Variants in PAK2 observed in about 807,000 individuals in gnomAD.
PAK2 encodes the protein p21 (RAC1) activated kinase 2.
Under a neutral mutation model 65.9 loss-of-function variants are expected in PAK2, and 21 were observed. The ratio of observed to expected loss-of-function variants is 0.32; its 90% CI spans 0.23 to 0.46. The LOEUF (loss-of-function observed/expected upper bound fraction) is 0.46. Ranked by LOEUF, PAK2 falls within the 20% of genes least tolerant of loss-of-function variation. The probability of loss-of-function intolerance (pLI) is 1.00; values close to 1 mark genes in which losing one functional copy is unlikely to be tolerated. For synonymous variants in PAK2, 204 were observed against 219.7 expected (o/e 0.93, Z 0.63); for missense variants, 324 against 642.6 (o/e 0.50, Z 5.36).
intron 1 of PAK2, among the ~76,000 whole-genome samples, chr3:196,770,053 C>G (rs545283992): frequency 1.3e-5 from 2 of 152,036 alleles, no homozygotes; most frequent in South Asian, 4.1e-4. Context: ...CTAAGGAGTT[C>G]AAGACCAGCC....
intron 14 of PAK2, 86 bp from the exon 15 acceptor site, chr3:196,828,230 AGTC>A: frequency 1.4e-6 from 1 of 722,380 alleles, no homozygotes. Context: ...ATCGACAAGT[AGTC>A]TTTGGGGCTT....
intron 1 of PAK2, among the ~76,000 whole-genome samples, chr3:196,761,612 G>A (rs866353735): frequency 5.5e-4 from 69 of 125,234 alleles, no homozygotes; most frequent in African/African-American, 1.8e-3. Context: ...CACCTTTCCC[G>A]CCTTTCTATT....
chr3:196,831,381 G>A lies in PAK2; in HGVS notation c.*2976G>A, dbSNP rs376276643. The A allele has an allele frequency of 4.6e-5, 7 of 151,882 alleles. No individual in the cohort carries two copies. In the East Asian group the frequency reaches 7.7e-4, roughly 17 times the overall value. The allele number at this position is 151,882 out of a possible 1,614,324, so 9.4% of individuals were successfully genotyped here. A position where few individuals can be genotyped will look rare whatever the true frequency, so the allele number is the denominator to read the frequency against. ...TTTCTTTTTTCTTCTGCTGCTTTTA[G>A]GGACAATTAAAACTGGGAAACTATG... On this transcript the variant is annotated 3_prime_UTR_variant, in exon 15 of 15. Coordinates refer to ENST00000327134, the MANE Select transcript of PAK2 (RefSeq NM_002577.4).
At chr3:196,800,336 C>T (rs889569349) in intron 2 of PAK2, among the ~76,000 whole-genome samples, 1 of 152,050 alleles carries the variant, frequency 6.6e-6, no homozygotes, top group African/African-American at 2.4e-5. Context: ...GAGCTGAGAT[C>T]ACGCCACTGC....
At chr3:196,822,970 A>G (rs564695974) in intron 13 of PAK2, among the ~76,000 whole-genome samples, 3 of 152,304 alleles carry the variant, frequency 2.0e-5, no homozygotes, top group East Asian at 3.9e-4. Flanking sequence ...GCCAGACCGT[A>G]GTGCCTTATG....
chr3:196,782,747 A>G lies in PAK2; in HGVS notation c.101A>G (p.Asn34Ser). 3.1e-6 allele frequency: 5 copies of G among 1,613,484 alleles called. No individual in the cohort carries two copies. Among genetic ancestry groups the G allele is most frequent in the Non-Finnish European group, 4.2e-6 (5 of 1,179,372 alleles). Residue 34 changes from asparagine (N) to serine (S), a missense_variant, in exon 2 of 15, where the codon AAT becomes AGT. Around this residue, in one of 5 missense-constraint regions of PAK2, gnomAD observed 42 missense variants for 67.4 expected, o/e 0.62. Coordinates refer to ENST00000327134, the MANE Select transcript of PAK2 (RefSeq NM_002577.4). ...STGGKDPLSA[N>S]HSLKPLPSVP... ...GGAGGCAAAGACCCTTTGTCAGCCAATCACAGTTTGAAACCTTTGCCCTCT... is the reference window on the plus strand; with the variant it reads ...GGAGGCAAAGACCCTTTGTCAGCCAGTCACAGTTTGAAACCTTTGCCCTCT...
Position 196,821,631 on chromosome 3 carries a change from C to T in PAK2, c.1350+1064C>T, listed in dbSNP as rs151015311. On this transcript the variant is annotated intron_variant, in intron 13 of 14. Transcript: ENST00000327134. ...CCAGGAGGCGGAGGTTGCAGTGAGC[C>T]GAGATCATGCCATCGCACTCCAGCC... 3.7e-4 allele frequency among the ~76,000 whole-genome samples: 57 copies of T among 152,106 alleles called. No homozygotes were observed. In the East Asian group the frequency reaches 0.01, roughly 28 times the overall value.
rs115224240 is a variant in PAK2 at position 196,770,667 on chromosome 3, C to T, written c.-21-11959C>T. Among the ~76,000 whole-genome samples, 599 of 152,108 alleles carry T rather than the reference C, an allele frequency of 3.9e-3. 4 individuals are homozygous for T. Among genetic ancestry groups the T allele is most frequent in the African/African-American group, 0.014 (568 of 41,410 alleles). On this transcript the variant is annotated intron_variant, in intron 1 of 14. Coordinates refer to ENST00000327134, the MANE Select transcript of PAK2 (RefSeq NM_002577.4). ...AGACAGAGTCCAGCTCTGTCTCCTA[C>T]GCTGGAGTGCAGTGGCACCATCTCG...
In PAK2 at chr3:196,830,230, G is replaced by A. The variant is rs921418787; in HGVS notation, c.*1825G>A. The A allele has an allele frequency of 1.3e-5, 2 of 152,136 alleles. No individual in the cohort carries two copies. Among genetic ancestry groups the A allele is most frequent in the Admixed American group, 1.3e-4 (2 of 15,274 alleles). The allele number at this position is 152,136 out of a possible 1,614,324, so 9.4% of individuals were successfully genotyped here. A position where few individuals can be genotyped will look rare whatever the true frequency, so the allele number is the denominator to read the frequency against. ...GATAAGGCAAGATTTTCAGAAAAATGAGTAAAATAATTAATGAAACATATT... is the reference window on the plus strand; with the variant it reads ...GATAAGGCAAGATTTTCAGAAAAATAAGTAAAATAATTAATGAAACATATT... On this transcript the variant is annotated 3_prime_UTR_variant, in exon 15 of 15. Transcript: ENST00000327134.
chr3:196,753,339 C>G (rs1398422901), intron 1 of PAK2, among the ~76,000 whole-genome samples: 1 of 152,042 alleles, frequency 6.6e-6, no homozygotes, highest in Non-Finnish European at 1.5e-5. Context: ...TTGCTGCAGT[C>G]TTTCAGGCAG....
At chr3:196,800,688 AC>A (rs1312538336) in intron 2 of PAK2, among the ~76,000 whole-genome samples, 3 of 152,208 alleles carry the variant, frequency 2.0e-5, no homozygotes, top group Admixed American at 2.0e-4. Flanking sequence ...AGATAGACTC[AC>A]ACGTGTACAG....
Position 196,831,819 on chromosome 3 carries a change from A to G in PAK2, c.*3414A>G, listed in dbSNP as rs1192618132. 1.3e-5 allele frequency: 2 copies of G among 152,190 alleles called. No homozygotes were observed. The highest frequency in any genetic ancestry group is 2.4e-5 in the African/African-American group (1 of 41,448). The allele number at this position is 152,190 out of a possible 1,614,324, so 9.4% of individuals were successfully genotyped here. A position where few individuals can be genotyped will look rare whatever the true frequency, so the allele number is the denominator to read the frequency against. ...TCTAGTGAAATGTCAGTGTCAAAAT[A>G]TTATAGATTATAGCTAAAATCCAGA... On this transcript the variant is annotated 3_prime_UTR_variant, in exon 15 of 15. Transcript: ENST00000327134.
chr3:196,749,243 A>T (rs1713489630), intron 1 of PAK2, among the ~76,000 whole-genome samples: 1 of 152,028 alleles, frequency 6.6e-6, no homozygotes, highest in South Asian at 2.1e-4. Flanking sequence ...CCTTGTTTTC[A>T]GTTATTTCGG....
At chr3:196,817,217 T>C (rs1249020732) in intron 11 of PAK2, among the ~76,000 whole-genome samples, 1 of 135,600 alleles carries the variant, frequency 7.4e-6, no homozygotes, top group Non-Finnish European at 1.5e-5. Context: ...CAGGCTGGAG[T>C]GCAGTGGCAC....
chr3:196,748,637 C>T (rs1191141166), intron 1 of PAK2, among the ~76,000 whole-genome samples: 4 of 152,144 alleles, frequency 2.6e-5, no homozygotes, highest in Admixed American at 1.3e-4. Flanking sequence ...GAGGTTCTTC[C>T]GTGTCTTTTC....
chr3:196,808,816 G>T (rs568335390), intron 7 of PAK2, among the ~76,000 whole-genome samples: 2 of 152,116 alleles, frequency 1.3e-5, no homozygotes, highest in Non-Finnish European at 2.9e-5. Flanking sequence ...AGCCGAGATC[G>T]TGCCACTGCA....
At chr3:196,761,523 C>A (rs1308161458) in intron 1 of PAK2, among the ~76,000 whole-genome samples, 2 of 102,208 alleles carry the variant, frequency 2.0e-5, no homozygotes, top group African/African-American at 3.8e-5. Flanking sequence ...TTTCTTAGTG[C>A]AGAACAAAAT....
intron 4 of PAK2, 110 bp from the exon 5 acceptor site, chr3:196,805,242 C>T (rs1715549519): frequency 1.6e-6 from 1 of 628,568 alleles, no homozygotes; most frequent in African/African-American, 2.0e-5. Flanking sequence ...GTTAATTCAA[C>T]TTGAAATCAG....
intron 9 of PAK2, 60 bp downstream of exon 9, chr3:196,812,327 G>T: frequency 2.0e-6 from 2 of 988,248 alleles, no homozygotes; most frequent in Non-Finnish European, 3.3e-6. Context: ...GTGGAAACTA[G>T]ATGAAGCTGG....
Sources: allele counts gnomAD v4.1 joint callset (sites outside exome capture counted in the v4.1 genomes callset), GRCh38; gene constraint gnomAD v4.1.1; regional missense constraint gnomAD v4.1.1; transcripts MANE v1.5; gene names NCBI Gene and HGNC (gene_info 2026-07-23, HGNC 2026-07-21).